DOK6: variants seen among roughly 807,000 people sequenced by gnomAD.
DOK6 encodes docking protein 6, also known as downstream of tyrosine kinase 6.
A neutral mutation model predicts 44.0 loss-of-function variants in DOK6; 22 were observed. That is an observed-to-expected ratio of 0.50 (90% CI 0.36 to 0.71). The LOEUF (loss-of-function observed/expected upper bound fraction) is 0.71, where lower values mean the gene tolerates loss of function less well. Among genes scored for constraint, DOK6 ranks in the 30% least tolerant of loss-of-function variants. The pLI is 0.00. For missense variants in DOK6, 340 were observed against 416.4 expected, an observed-to-expected ratio of 0.82 and a Z score of 1.60; for synonymous variants, 166 against 145.5, an observed-to-expected ratio of 1.14 and a Z score of -1.01.
chr18:69,725,012 T>C (rs920697081), intron 5 of DOK6: 33 of 152,240 alleles, frequency 2.2e-4, no homozygotes, highest in African/African-American at 7.7e-4. Context: ...ACCAAAACTC[T>C]TTCTGTATAA....
At chr18:69,567,015 A>G (rs1433717795) in intron 2 of DOK6, among the ~76,000 whole-genome samples, 1 of 152,198 alleles carries the variant, frequency 6.6e-6, no homozygotes, top group Non-Finnish European at 1.5e-5. Flanking sequence ...GCCAACTCCT[A>G]TTTATCTTAC....
intron 1 of DOK6, among the ~76,000 whole-genome samples, chr18:69,439,967 A>T (rs1312646043): frequency 1.3e-5 from 2 of 152,126 alleles, no homozygotes; most frequent in African/African-American, 2.4e-5. Context: ...CACTGAGTTT[A>T]TTTTTAGCTT....
intron 3 of DOK6, among the ~76,000 whole-genome samples, chr18:69,672,559 T>C (rs1405015775): frequency 6.6e-6 from 1 of 152,110 alleles, no homozygotes; most frequent in Non-Finnish European, 1.5e-5. Flanking sequence ...GGTTTCGCCA[T>C]GTTGGCCGGG....
At chr18:69,750,043 T>A (rs890099295) in intron 6 of DOK6, among the ~76,000 whole-genome samples, 11 of 146,742 alleles carry the variant, frequency 7.5e-5, no homozygotes, top group African/African-American at 1.2e-4. Flanking sequence ...AAAAGGCATT[T>A]TATATATATA....
chr18:69,797,996 C>G (rs938811425), intron 7 of DOK6, among the ~76,000 whole-genome samples: 2 of 152,118 alleles, frequency 1.3e-5, no homozygotes, highest in Non-Finnish European at 2.9e-5. Flanking sequence ...AATCAAGACT[C>G]TATATCTGCT....
chr18:69,418,359 T>A (rs1978395468), intron 1 of DOK6, among the ~76,000 whole-genome samples: 1 of 152,186 alleles, frequency 6.6e-6, no homozygotes, highest in Admixed American at 6.5e-5. Flanking sequence ...TCTTTTATTA[T>A]AATATCTGAT....
chr18:69,435,096 A>G (rs1272532756), intron 1 of DOK6, among the ~76,000 whole-genome samples: 1 of 151,164 alleles, frequency 6.6e-6, no homozygotes, highest in Non-Finnish European at 1.5e-5. Flanking sequence ...GGAAGGAAAG[A>G]AGGAAGAAAG....
intron 3 of DOK6, among the ~76,000 whole-genome samples, chr18:69,670,927 A>G (rs1479532044): frequency 6.6e-6 from 1 of 152,138 alleles, no homozygotes; most frequent in Non-Finnish European, 1.5e-5. Flanking sequence ...ATCCTTTTTA[A>G]GCTTGTAATT....
At chr18:69,794,460 G>A (rs28439764) in intron 7 of DOK6, among the ~76,000 whole-genome samples, 2,577 of 152,036 alleles carry the variant, frequency 0.017, 85 homozygotes, top group African/African-American at 0.059. Context: ...TTTCTGTTTC[G>A]TTAAATGAGG....
At chr18:69,606,390 A>G (rs1218224651) in intron 3 of DOK6, among the ~76,000 whole-genome samples, 1 of 152,074 alleles carries the variant, frequency 6.6e-6, no homozygotes, top group Non-Finnish European at 1.5e-5. Flanking sequence ...ATACGTATAA[A>G]AGGAACAAAC....
chr18:69,802,015 C>T (rs1377095918), intron 7 of DOK6, among the ~76,000 whole-genome samples: 1 of 152,122 alleles, frequency 6.6e-6, no homozygotes, highest in Non-Finnish European at 1.5e-5. Context: ...TTTTATGATG[C>T]TCTAGTTCTG....
chr18:69,588,908 C>T (rs988998373), intron 2 of DOK6, among the ~76,000 whole-genome samples: 2 of 151,804 alleles, frequency 1.3e-5, no homozygotes, highest in African/African-American at 2.4e-5. Context: ...TAATAATAAA[C>T]GTATTGGGAT....
At chr18:69,784,833 C>A (rs1406826013) in intron 7 of DOK6, among the ~76,000 whole-genome samples, 2 of 152,118 alleles carry the variant, frequency 1.3e-5, no homozygotes, top group Non-Finnish European at 2.9e-5. Context: ...GGTCATGGAT[C>A]ATTAACCTTA....
At chr18:69,664,509 A>G (rs2144674728) in intron 3 of DOK6, among the ~76,000 whole-genome samples, 1 of 152,196 alleles carries the variant, frequency 6.6e-6, no homozygotes, top group South Asian at 2.1e-4. Flanking sequence ...TTCTTCTTTT[A>G]TGGAGGTAAG....
chr18:69,545,515 C>T (rs62095329), intron 1 of DOK6, among the ~76,000 whole-genome samples: 1 of 119,008 alleles, frequency 8.4e-6, no homozygotes, highest in Non-Finnish European at 1.6e-5. Flanking sequence ...CAGTGAAATA[C>T]CAAAAAAAAA....
intron 3 of DOK6, 81 bp downstream of exon 3, chr18:69,599,579 A>G: frequency 4.7e-6 from 5 of 1,064,960 alleles, no homozygotes; most frequent in East Asian, 2.5e-5. Context: ...AAGGTACACT[A>G]TTGAACAGGA....
At chr18:69,408,150 A>G (rs1345198479) in intron 1 of DOK6, among the ~76,000 whole-genome samples, 1 of 152,190 alleles carries the variant, frequency 6.6e-6, no homozygotes, top group Non-Finnish European at 1.5e-5. Context: ...GTTCAGTGTA[A>G]TAGCTGTTAT....
intron 1 of DOK6, among the ~76,000 whole-genome samples, chr18:69,438,708 A>G (rs1392174195): frequency 6.6e-6 from 1 of 152,200 alleles, no homozygotes; most frequent in Admixed American, 6.5e-5. Flanking sequence ...CTTAAATAAT[A>G]AGATTTGAAA....
chr18:69,407,881 T>C (rs1211785583), intron 1 of DOK6, among the ~76,000 whole-genome samples: 1 of 152,200 alleles, frequency 6.6e-6, no homozygotes, highest in African/African-American at 2.4e-5. Context: ...CAAAGACATA[T>C]TAATGCTTAG....
Sources: gnomAD v4.1 joint callset for allele counts (sites outside exome capture counted in the v4.1 genomes callset) on GRCh38, gnomAD v4.1.1 for gene constraint, MANE v1.5 for transcripts, NCBI Gene and HGNC (gene_info 2026-07-23, HGNC 2026-07-21) for gene names.